Variants in ZWILCH observed in about 807,000 individuals in gnomAD.
The protein encoded by ZWILCH is zwilch kinetochore protein.
ZWILCH carries 74 observed loss-of-function variants against 79.9 expected under a neutral mutation model. The ratio of observed to expected loss-of-function variants is 0.93; its 90% CI spans 0.77 to 1.12. The LOEUF (loss-of-function observed/expected upper bound fraction) is 1.12. Among genes scored for constraint, ZWILCH ranks in the 50% most tolerant of loss-of-function variants. The pLI is 0.00. For synonymous variants in ZWILCH, 241 were observed against 228.2 expected (o/e 1.06, Z -0.51); for missense variants, 694 against 687.5 (o/e 1.01, Z -0.11).
rs1314699524 is a variant in ZWILCH, at chr15:66,549,056, G to C, written c.*732G>C. On this transcript the variant is annotated 3_prime_UTR_variant, in exon 19 of 19. Transcript: ENST00000307897. ...GTTGAAATGTTGTATGGTAGTTCTT[G>C]TATAGTTAAATAATAATCTTTTTAA... The C allele has an allele frequency of 6.5e-6, 1 of 152,782 alleles. No individual in the cohort carries two copies. Among genetic ancestry groups the C allele is most frequent in the Non-Finnish European group, 1.5e-5 (1 of 68,434 alleles). 9.5% of individuals were successfully genotyped at this position (152,782 alleles called of 1,614,324 possible). A position where few individuals can be genotyped will look rare whatever the true frequency, so the allele number is the denominator to read the frequency against.
intron 7 of ZWILCH, among the ~76,000 whole-genome samples, chr15:66,522,259 A>G (rs1894522619): frequency 6.6e-6 from 1 of 152,134 alleles, no homozygotes. Flanking sequence ...GTGCAGCGAT[A>G]TAACTGTGTT....
chr15:66,523,663 T>C lies in ZWILCH; in HGVS notation c.748-14T>C, dbSNP rs1181352826. ...TTAGCACTAGAAAACTGACAGACTT[T>C]GGAAACTTTTTAGAATATTAAAGTG... On this transcript the variant is annotated splice_polypyrimidine_tract_variant and intron_variant, in intron 7 of 18. Transcript: ENST00000307897. The C allele has an allele frequency of 1.9e-6, 3 of 1,601,766 alleles. No homozygotes were observed. The highest frequency in any genetic ancestry group is 2.6e-6 in the Non-Finnish European group (3 of 1,170,978).
At chr15:66,527,622 T>C (rs1894718044) in intron 9 of ZWILCH, among the ~76,000 whole-genome samples, 1 of 152,208 alleles carries the variant, frequency 6.6e-6, no homozygotes, top group African/African-American at 2.4e-5. Flanking sequence ...CAGTAGCCTT[T>C]GAATACCTAC....
chr15:66,527,791 G>T lies in ZWILCH; in HGVS notation c.914-66G>T, dbSNP rs1300665033. 3 of 1,392,276 alleles carry T rather than the reference G, an allele frequency of 2.2e-6. No homozygotes were observed. In the African/African-American group the frequency reaches 4.4e-5, roughly 20 times the overall value. The allele number at this position is 1,392,276 out of a possible 1,614,324, so 86.2% of individuals were successfully genotyped here. A position where few individuals can be genotyped will look rare whatever the true frequency, so the allele number is the denominator to read the frequency against. The stretch of plus-strand genomic sequence containing the variant: ...GTCCCCATTTACCATTTGAAAATAG[G>T]ATTAGGATGGAAATAATTTGGAAAG... On this transcript the variant is annotated intron_variant, in intron 9 of 18. Coordinates refer to ENST00000307897, the MANE Select transcript of ZWILCH (RefSeq NM_017975.5).
chr15:66,528,934 A>C lies in ZWILCH; in HGVS notation c.1052A>C (p.Gln351Pro), dbSNP rs764448800. ...KVRSDLDFAE[Q>P]LWCKMSSSVI... is the part of the protein sequence containing the mutation. ...CGGAGTGATCTTGATTTTGCTGAGC[A>C]ACTGTGGTGCAAAATGAGCAGTAGT... The change falls in exon 11 of 19, where the codon CAA becomes CCA. Residue 351 changes from glutamine to proline, a missense_variant. Gln to Pro is a moderately conservative substitution (Grantham distance 76). Transcript: ENST00000307897. 2.5e-6 allele frequency: 4 copies of C among 1,613,962 alleles called. No individual in the cohort carries two copies. Among genetic ancestry groups the C allele is most frequent in the Non-Finnish European group, 3.4e-6 (4 of 1,179,974 alleles).
At chr15:66,510,345 C>T (rs2140738308) in intron 2 of ZWILCH, among the ~76,000 whole-genome samples, 1 of 150,478 alleles carries the variant, frequency 6.6e-6, no homozygotes, top group South Asian at 2.1e-4. Context: ...AGAGATCGCA[C>T]CACTGCACTC....
intron 4 of ZWILCH, among the ~76,000 whole-genome samples, chr15:66,516,200 G>A (rs1434366796): frequency 6.6e-6 from 1 of 152,120 alleles, no homozygotes; most frequent in Non-Finnish European, 1.5e-5. Context: ...GCAATGCATG[G>A]GACTCTCCTG....
chr15:66,513,899 A>G (rs199911278), intron 2 of ZWILCH, 89 bp from the exon 3 acceptor site: 1 of 1,052,084 alleles, frequency 9.5e-7, no homozygotes, highest in South Asian at 1.7e-5. Flanking sequence ...GAAATTTTCC[A>G]TTGACTTGCA....
chr15:66,541,762 A>G (rs970088935), intron 17 of ZWILCH, among the ~76,000 whole-genome samples: 1 of 152,244 alleles, frequency 6.6e-6, no homozygotes, highest in African/African-American at 2.4e-5. Context: ...TCATTTAAAT[A>G]TGTAAAGATT....
At chr15:66,508,627 C>A in intron 1 of ZWILCH, 1 of 900,228 alleles carries the variant, frequency 1.1e-6, no homozygotes, top group Non-Finnish European at 1.5e-6. Context: ...ATCTCTGTCA[C>A]AGTTTTCTTT....
chr15:66,534,609 G>A (rs987370188), intron 14 of ZWILCH, among the ~76,000 whole-genome samples: 3 of 152,144 alleles, frequency 2.0e-5, no homozygotes, highest in East Asian at 1.9e-4. Flanking sequence ...ACTGAATACT[G>A]TAGGTAATTG....
At chr15:66,539,720 A>G (rs916170970) in intron 16 of ZWILCH, among the ~76,000 whole-genome samples, 1 of 151,906 alleles carries the variant, frequency 6.6e-6, no homozygotes, top group Non-Finnish European at 1.5e-5. Context: ...CTCGGTGCAT[A>G]CTCAACATTT....
intron 15 of ZWILCH, among the ~76,000 whole-genome samples, chr15:66,536,319 C>T (rs2140797834): frequency 6.6e-6 from 1 of 152,288 alleles, no homozygotes; most frequent in East Asian, 1.9e-4. Context: ...CCTGTTTCCT[C>T]ATCTGTAAAA....
At chr15:66,526,636 A>G (rs1894684289) in intron 8 of ZWILCH, among the ~76,000 whole-genome samples, 1 of 151,510 alleles carries the variant, frequency 6.6e-6, no homozygotes, top group South Asian at 2.1e-4. Context: ...ATTTTTTTGT[A>G]TTTTTATAGT....
At chr15:66,529,080 A>C in intron 11 of ZWILCH, 123 bp downstream of exon 11, 1 of 702,302 alleles carries the variant, frequency 1.4e-6, no homozygotes. Flanking sequence ...ACTTTATCTA[A>C]TTCATTTCTA....
chr15:66,527,690 C>T (rs1404952845), intron 9 of ZWILCH, among the ~76,000 whole-genome samples, 167 bp from the exon 10 acceptor site: 2 of 152,156 alleles, frequency 1.3e-5, no homozygotes, highest in African/African-American at 2.4e-5. Flanking sequence ...ATCCTCACAC[C>T]CCCACCTGAT....
chr15:66,541,271 T>C (rs1212826220), intron 17 of ZWILCH, among the ~76,000 whole-genome samples: 1 of 151,620 alleles, frequency 6.6e-6, no homozygotes, highest in Non-Finnish European at 1.5e-5. Flanking sequence ...GGCAACAGAG[T>C]GTAACCCTGT....
chr15:66,517,953 G>A (rs190820921), intron 4 of ZWILCH, among the ~76,000 whole-genome samples: 3 of 151,498 alleles, frequency 2.0e-5, no homozygotes, highest in East Asian at 3.9e-4. Context: ...GGCTGGTCTC[G>A]AACTCCTGAC....
intron 2 of ZWILCH, among the ~76,000 whole-genome samples, chr15:66,509,279 G>A (rs1893940185): frequency 6.6e-6 from 1 of 152,130 alleles, no homozygotes; most frequent in Non-Finnish European, 1.5e-5. Context: ...CTATAATCAA[G>A]ATATAGAATA....
Sources: gnomAD v4.1 joint callset for allele counts (sites outside exome capture counted in the v4.1 genomes callset) on GRCh38, gnomAD v4.1.1 for gene constraint, MANE v1.5 for transcripts, NCBI Gene and HGNC (gene_info 2026-07-23, HGNC 2026-07-21) for gene names.